The following UGGT2 variants were observed in gnomAD, a reference collection of about 807,000 sequenced individuals.
UGGT2 encodes UDP-glucose:glycoprotein glucosyltransferase 2.
UGGT2 carries 180 observed loss-of-function variants against 192.1 expected under a neutral mutation model. That is an observed-to-expected ratio of 0.94 (90% CI 0.83 to 1.06). The LOEUF is 1.06. Ranked by LOEUF, UGGT2 falls within the 50% of genes least tolerant of loss-of-function variation. The pLI, the probability that UGGT2 is intolerant of heterozygous loss-of-function variation, is 0.00. For synonymous variants in UGGT2, 580 were observed against 591.0 expected (o/e 0.98, Z 0.27); for missense variants, 1,849 against 1,795.7 (o/e 1.03, Z -0.54).
Position 95,972,564 on chromosome 13 carries a change from ATAATT to A in UGGT2, c.1184+11_1184+15del, listed in dbSNP as rs766882741. The A allele has an allele frequency of 9.6e-5, 151 of 1,577,118 alleles. 2 individuals are homozygous for A. The highest frequency in any genetic ancestry group is 5.4e-4 in the East Asian group (24 of 44,578). ...TATAAACCATAGTTCATTTACAGCA[ATAATT>A]TAATACTTACCTAAAAGCGTCATAA... is the stretch of plus-strand genomic sequence containing the variant. On this transcript the variant is annotated intron_variant, in intron 11 of 38. Transcript: ENST00000376747.
chr13:95,866,606 C>A (rs916243332), intron 30 of UGGT2, among the ~76,000 whole-genome samples: 1 of 152,110 alleles, frequency 6.6e-6, no homozygotes, highest in Non-Finnish European at 1.5e-5. Context: ...TTTTATGTTT[C>A]ATCCTTAGCC....
At chr13:95,879,076 A>G in intron 27 of UGGT2, among the ~76,000 whole-genome samples, 1 of 152,216 alleles carries the variant, frequency 6.6e-6, no homozygotes, top group Admixed American at 6.5e-5. Flanking sequence ...TAAAAATTAG[A>G]AAAAGATTGT....
At chr13:95,805,000 A>G (rs1319787070) in intron 38 of UGGT2, among the ~76,000 whole-genome samples, 1 of 152,122 alleles carries the variant, frequency 6.6e-6, no homozygotes, top group Non-Finnish European at 1.5e-5. Flanking sequence ...TGGAAAGGTA[A>G]CCTAGCAAAT....
intron 31 of UGGT2, 78 bp downstream of exon 31, chr13:95,863,551 T>C: frequency 8.4e-7 from 1 of 1,188,870 alleles, no homozygotes; most frequent in Admixed American, 1.8e-5. Flanking sequence ...TACTTAAATT[T>C]TCACTACCTG....
At chr13:95,991,372 C>A in intron 7 of UGGT2, 1 of 413,764 alleles carries the variant, frequency 2.4e-6, no homozygotes, top group Non-Finnish European at 4.8e-6. Flanking sequence ...TTCTCCACAT[C>A]CCCTCCAGCA....
At chr13:95,915,376 A>G (rs1002022134) in intron 20 of UGGT2, among the ~76,000 whole-genome samples, 26 of 152,162 alleles carry the variant, frequency 1.7e-4, no homozygotes, top group African/African-American at 6.3e-4. Context: ...CAATTTACAT[A>G]TGTCTATCAC....
chr13:96,041,658 A>G (rs2053167885), intron 1 of UGGT2, among the ~76,000 whole-genome samples: 1 of 152,124 alleles, frequency 6.6e-6, no homozygotes, highest in Admixed American at 6.6e-5. Context: ...CACCGCCTGG[A>G]AACAGACTCA....
At chr13:95,956,676 C>T (rs1437540269) in intron 12 of UGGT2, among the ~76,000 whole-genome samples, 5 of 152,170 alleles carry the variant, frequency 3.3e-5, no homozygotes, top group Non-Finnish European at 7.4e-5. Context: ...CAGAAAATAA[C>T]AAGAATTGGT....
At chr13:96,033,432 C>A (rs1056192567) in intron 1 of UGGT2, among the ~76,000 whole-genome samples, 2 of 152,034 alleles carry the variant, frequency 1.3e-5, no homozygotes, top group African/African-American at 2.4e-5. Flanking sequence ...CTGTCCGGAC[C>A]CGGACATCCC....
At chr13:95,828,132 A>G (rs1886237412) in intron 38 of UGGT2, among the ~76,000 whole-genome samples, 1 of 151,816 alleles carries the variant, frequency 6.6e-6, no homozygotes, top group African/African-American at 2.4e-5. Context: ...CTCTGCTGCA[A>G]CCTGGACATA....
At position 95,859,586 on chromosome 13, in the gene UGGT2, C is replaced by T. The variant is rs764869885; in HGVS notation, c.3825+5G>A. The T allele has an allele frequency of 1.5e-4, 234 of 1,604,870 alleles. No individual in the cohort carries two copies. Among genetic ancestry groups the T allele is most frequent in the Non-Finnish European group, 1.8e-4 (215 of 1,174,344 alleles). Reference sequence around the variant, plus strand: ...ACCATTCTACAAAAAAAGCTATGTACTTACTTTAAATGTCGGTGAGAGATA... The same window carrying T: ...ACCATTCTACAAAAAAAGCTATGTATTTACTTTAAATGTCGGTGAGAGATA... On this transcript the variant is annotated splice_donor_5th_base_variant and intron_variant, in intron 33 of 38. Coordinates refer to ENST00000376747, the MANE Select transcript of UGGT2 (RefSeq NM_020121.4).
intron 20 of UGGT2, among the ~76,000 whole-genome samples, chr13:95,915,776 A>C (rs1044853309): frequency 6.6e-6 from 1 of 152,166 alleles, no homozygotes; most frequent in African/African-American, 2.4e-5. Context: ...TAGCTGCTCT[A>C]TCCGATCATG....
chr13:95,867,526 C>G (rs776000040), intron 29 of UGGT2, 103 bp from the exon 30 acceptor site: 21 of 813,616 alleles, frequency 2.6e-5, no homozygotes, highest in Non-Finnish European at 4.1e-5. Flanking sequence ...AGTCCAATAA[C>G]ACTAGTGCAT....
chr13:95,837,680 T>A (rs1887453926), intron 36 of UGGT2, among the ~76,000 whole-genome samples: 1 of 152,206 alleles, frequency 6.6e-6, no homozygotes, highest in Non-Finnish European at 1.5e-5. Flanking sequence ...GCATCTGGGT[T>A]AATGGATGTT....
intron 13 of UGGT2, among the ~76,000 whole-genome samples, 161 bp from the exon 14 acceptor site, chr13:95,948,242 CACACACACACAT>C (rs1337135948): frequency 6.6e-6 from 1 of 151,722 alleles, no homozygotes; most frequent in Non-Finnish European, 1.5e-5. Flanking sequence ...CACACACACA[CACACACACACAT>C]ATAAAGGATT....
intron 30 of UGGT2, among the ~76,000 whole-genome samples, chr13:95,867,135 A>G (rs1461009674): frequency 5.3e-5 from 8 of 152,140 alleles, no homozygotes; most frequent in Non-Finnish European, 1.2e-4. Context: ...ATAATGTAAA[A>G]AAAAATCCTT....
At chr13:95,981,603 G>A (rs575621686) in intron 10 of UGGT2, among the ~76,000 whole-genome samples, 2 of 152,194 alleles carry the variant, frequency 1.3e-5, no homozygotes, top group South Asian at 2.1e-4. Context: ...TAAATAAACT[G>A]CAGCATGAGA....
intron 21 of UGGT2, among the ~76,000 whole-genome samples, chr13:95,901,767 G>T (rs980531085): frequency 6.6e-6 from 1 of 152,076 alleles, no homozygotes; most frequent in South Asian, 2.1e-4. Context: ...GTAGCCAGTG[G>T]CTGTGGTGTT....
At chr13:95,840,436 G>A (rs555215996) in intron 36 of UGGT2, among the ~76,000 whole-genome samples, 13 of 152,100 alleles carry the variant, frequency 8.5e-5, no homozygotes, top group African/African-American at 2.9e-4. Context: ...ACAAACATAC[G>A]AAATAAAGTT....
Sources: allele counts gnomAD v4.1 joint callset (sites outside exome capture counted in the v4.1 genomes callset), GRCh38; gene constraint gnomAD v4.1.1; transcripts MANE v1.5; gene names NCBI Gene and HGNC (gene_info 2026-07-23, HGNC 2026-07-21).